Variants in SLC38A6 observed in about 807,000 individuals in gnomAD.
The protein encoded by SLC38A6 is solute carrier family 38 member 6.
SLC38A6 carries 73 observed loss-of-function variants against 65.0 expected under a neutral mutation model. That is an observed-to-expected ratio of 1.12 (90% CI 0.93 to 1.37). SLC38A6 has a LOEUF of 1.37. Ranked by LOEUF, SLC38A6 falls within the 40% of genes most tolerant of loss-of-function variation. The pLI, the probability that SLC38A6 is intolerant of heterozygous loss-of-function variation, is 0.00. For synonymous variants in SLC38A6, 183 were observed against 178.8 expected (o/e 1.02, Z -0.19); for missense variants, 561 against 531.1 (o/e 1.06, Z -0.55).
chr14:61,008,654 T>C (rs2039329922), intron 3 of SLC38A6, among the ~76,000 whole-genome samples: 1 of 152,200 alleles, frequency 6.6e-6, no homozygotes, highest in Non-Finnish European at 1.5e-5. Context: ...TGGTTATTTT[T>C]TGAGCCATTT....
rs2040954096 is a variant in SLC38A6 at position 61,031,035 on chromosome 14, A to C, written c.482+512A>C. 2 of 152,190 alleles carry C rather than the reference A, an allele frequency of 1.3e-5. 1 individual carries two copies. Among genetic ancestry groups the C allele is most frequent in the South Asian group, 4.1e-4 (2 of 4,832 alleles). The allele number at this position is 152,190 out of a possible 1,614,324, so 9.4% of individuals were successfully genotyped here. On this transcript the variant is annotated intron_variant, in intron 6 of 15. Transcript: ENST00000267488. The stretch of plus-strand genomic sequence containing the variant: ...CATGGCAAAAAAATAAATTATTTGC[A>C]AGGACTTAATTGTTTCATTTCCTGT...
At chr14:60,984,453 G>C (rs956634174) in intron 2 of SLC38A6, among the ~76,000 whole-genome samples, 4 of 151,240 alleles carry the variant, frequency 2.6e-5, no homozygotes, top group Non-Finnish European at 5.9e-5. Context: ...GCAGTCAGCA[G>C]ACAAGACTGC....
intron 15 of SLC38A6, among the ~76,000 whole-genome samples, chr14:61,061,102 G>A (rs1026364391): frequency 6.6e-6 from 1 of 152,150 alleles, no homozygotes; most frequent in Admixed American, 6.5e-5. Flanking sequence ...CACGCTGGGA[G>A]CTGTAGACCG....
At chr14:61,019,920 A>G (rs2040251683) in intron 5 of SLC38A6, among the ~76,000 whole-genome samples, 1 of 152,068 alleles carries the variant, frequency 6.6e-6, no homozygotes, top group African/African-American at 2.4e-5. Context: ...CTTTTGTTCT[A>G]ATCACCCTAT....
chr14:61,043,407 A>G, intron 9 of SLC38A6, 43 bp from the exon 10 acceptor site: 2 of 1,434,924 alleles, frequency 1.4e-6, no homozygotes, highest in South Asian at 2.5e-5. Flanking sequence ...CTGAAATTTA[A>G]TGGCTGTTGG....
At chr14:60,986,480 T>C (rs1490412417) in intron 3 of SLC38A6, among the ~76,000 whole-genome samples, 4 of 152,208 alleles carry the variant, frequency 2.6e-5, no homozygotes, top group African/African-American at 9.7e-5. Context: ...AGCCACAACT[T>C]CTAACAGTGC....
chr14:61,016,382 T>C (rs768943310), intron 4 of SLC38A6, among the ~76,000 whole-genome samples: 1 of 152,174 alleles, frequency 6.6e-6, no homozygotes, highest in Non-Finnish European at 1.5e-5. Flanking sequence ...CACTTAAGAA[T>C]TGAACATTGC....
chr14:61,014,282 C>T (rs1230731643), intron 3 of SLC38A6, among the ~76,000 whole-genome samples: 11 of 152,054 alleles, frequency 7.2e-5, no homozygotes, highest in African/African-American at 1.4e-4. Flanking sequence ...GTTAGCCATT[C>T]GTCTAATTTT....
intron 3 of SLC38A6, among the ~76,000 whole-genome samples, chr14:61,007,849 A>G (rs2039265996): frequency 6.6e-6 from 1 of 152,190 alleles, no homozygotes; most frequent in South Asian, 2.1e-4. Context: ...TGTTAAATAT[A>G]AGGAATGTTG....
intron 15 of SLC38A6, among the ~76,000 whole-genome samples, chr14:61,069,033 C>T (rs952595091): frequency 7.4e-4 from 112 of 152,160 alleles, no homozygotes; most frequent in African/African-American, 2.6e-3. Context: ...GTGATTATCA[C>T]TTCAGGCTGT....
chr14:61,040,155 G>C (rs915364034), intron 8 of SLC38A6, among the ~76,000 whole-genome samples: 2 of 151,590 alleles, frequency 1.3e-5, no homozygotes, highest in Non-Finnish European at 2.9e-5. Context: ...TAATACGTCG[G>C]TAATCCAGTT....
chr14:61,008,622 A>C (rs889877014), intron 3 of SLC38A6, among the ~76,000 whole-genome samples: 1 of 152,304 alleles, frequency 6.6e-6, no homozygotes, highest in South Asian at 2.1e-4. Context: ...ACATAAAGCT[A>C]TATGATCTAA....
chr14:61,008,002 T>G (rs1301613591), intron 3 of SLC38A6, among the ~76,000 whole-genome samples: 3 of 152,136 alleles, frequency 2.0e-5, no homozygotes. Context: ...TTGGAAAAAA[T>G]TCTAGTTCTT....
Position 61,037,006 on chromosome 14 carries a change from G to GTGTGTC in SLC38A6, c.483-52_483-51insGTGTCT, listed in dbSNP as rs2041435704. On this transcript the variant is annotated intron_variant, in intron 6 of 15. Coordinates refer to ENST00000267488, the MANE Select transcript of SLC38A6 (RefSeq NM_153811.3). ...TGTGTGTGTGTGTGTGTGTGTGTGTGTCAGAACAAACACTGGAGTCCCATG... is the reference window on the plus strand; with the variant it reads ...TGTGTGTGTGTGTGTGTGTGTGTGTGTGTGTCTCAGAACAAACACTGGAGTCCCATG... The GTGTGTC allele has an allele frequency of 3.1e-5, 28 of 906,716 alleles. 1 individual carries two copies. The South Asian group carries it at 3.5e-4, about 11-fold the overall frequency. 56.2% of individuals were successfully genotyped at this position (906,716 alleles called of 1,614,324 possible). A position where few individuals can be genotyped will look rare whatever the true frequency, so the allele number is the denominator to read the frequency against.
At chr14:61,010,648 C>G (rs2039489665) in intron 3 of SLC38A6, among the ~76,000 whole-genome samples, 1 of 152,110 alleles carries the variant, frequency 6.6e-6, no homozygotes, top group African/African-American at 2.4e-5. Flanking sequence ...GAATCCTTTC[C>G]CCATTTCCTG....
chr14:61,052,081 A>T lies in SLC38A6; in HGVS notation c.1236A>T (p.Gly412=). The change falls in exon 15 of 16, where the codon GGA becomes GGT. Residue 412 remains glycine (G), a synonymous_variant. Coordinates refer to ENST00000267488, the MANE Select transcript of SLC38A6 (RefSeq NM_153811.3). ...TSTCLIFIFP[G]LFYLKLSRED... The stretch of plus-strand genomic sequence containing the variant: ...CATGTTTGATTTTTATATTCCCAGG[A>T]CTATTTTATCTTAAACTTAGCAGAG... The T allele has an allele frequency of 3.2e-6, 5 of 1,585,984 alleles. No individual in the cohort carries two copies. The highest frequency in any genetic ancestry group is 1.4e-5 in the African/African-American group (1 of 72,982).
chr14:61,075,757 C>T (rs924744052), intron 15 of SLC38A6, among the ~76,000 whole-genome samples: 14 of 146,628 alleles, frequency 9.5e-5, no homozygotes, highest in Non-Finnish European at 1.8e-4. Context: ...GCTCCAAGAA[C>T]GTGCCATAGA....
rs142012151 is a variant in SLC38A6 at position 61,029,107 on chromosome 14, T to C, written c.404-1338T>C. Reference sequence around the variant, plus strand: ...GGAGAAAGTGAAATGTTTCCTGATATATAAATAAGTAATAAAATTAATGTG... The same window carrying C: ...GGAGAAAGTGAAATGTTTCCTGATACATAAATAAGTAATAAAATTAATGTG... On this transcript the variant is annotated intron_variant, in intron 5 of 15. Coordinates refer to ENST00000267488, the MANE Select transcript of SLC38A6 (RefSeq NM_153811.3). 3.8e-3 allele frequency among the ~76,000 whole-genome samples: 578 copies of C among 152,036 alleles called. 1 individual carries two copies. The highest frequency in any genetic ancestry group is 0.013 in the African/African-American group (541 of 41,498).
intron 16 of SLC38A6, among the ~76,000 whole-genome samples, chr14:61,082,159 C>T (rs901299489): frequency 6.6e-6 from 1 of 152,082 alleles, no homozygotes; most frequent in Non-Finnish European, 1.5e-5. Flanking sequence ...TATTAGCACC[C>T]CCGCACCACC....
Sources: gnomAD v4.1 joint callset for allele counts (sites outside exome capture counted in the v4.1 genomes callset) on GRCh38, gnomAD v4.1.1 for gene constraint, MANE v1.5 for transcripts, NCBI Gene and HGNC (gene_info 2026-07-23, HGNC 2026-07-21) for gene names.